Variants in PCID2 observed in about 807,000 individuals in gnomAD.
PCID2 encodes PCI domain-containing protein 2.
A neutral mutation model predicts 61.3 loss-of-function variants in PCID2; 41 were observed. The observed-to-expected ratio is 0.67, with a 90% CI of 0.52 to 0.87. The LOEUF is 0.87. PCID2 is among the 40% of genes least tolerant of loss of function. PCID2 has a pLI of 0.00. For synonymous variants in PCID2, 187 were observed against 177.8 expected, an observed-to-expected ratio of 1.05 and a Z score of -0.41; for missense variants, 392 against 493.4, an observed-to-expected ratio of 0.79 and a Z score of 1.95.
intron 10 of PCID2, 83 bp downstream of exon 10, chr13:113,181,043 ACTGT>A: frequency 2.4e-6 from 2 of 849,160 alleles, no homozygotes; most frequent in Non-Finnish European, 4.0e-6. Context: ...TCAACTACAG[ACTGT>A]CTGCTAGGTT....
At chr13:113,170,509 A>G in the PCID2 span, 1 of 1,587,150 alleles carries the variant, frequency 6.3e-7, no homozygotes, top group Middle Eastern at 1.7e-4. Flanking sequence ...ACTGTTACAC[A>G]GGAATATTAC....
chr13:113,201,239 T>C (rs2039404615), intron 1 of PCID2, among the ~76,000 whole-genome samples: 1 of 152,046 alleles, frequency 6.6e-6, no homozygotes, highest in South Asian at 2.1e-4. Flanking sequence ...TAGATCTGTA[T>C]GTAGTAAGAT....
intron 4 of PCID2, 190 bp downstream of exon 4, chr13:113,196,985 CACG>C (rs756922675): frequency 6.3e-6 from 9 of 1,437,914 alleles, no homozygotes; most frequent in Non-Finnish European, 8.8e-6. Flanking sequence ...CTAAGTACTG[CACG>C]AGTCTTCAGA....
intron 7 of PCID2, chr13:113,187,051 T>C (rs1027644916): frequency 6.6e-6 from 1 of 152,230 alleles, no homozygotes; most frequent in African/African-American, 2.4e-5. Flanking sequence ...CTATGACTTT[T>C]ATCATTCCCT....
Position 113,181,135 on chromosome 13 carries a change from G to C in PCID2, c.781C>G (p.Leu261Val). The C allele has an allele frequency of 1.3e-6, 2 of 1,591,680 alleles. No individual in the cohort carries two copies. The highest frequency in any genetic ancestry group is 8.6e-7 in the Non-Finnish European group (1 of 1,159,522). The change falls in exon 10 of 14, where the codon CTA becomes GTA. Residue 261 changes from leucine to valine, a missense_variant. By Grantham distance (32) the Leu-to-Val change is conservative. Coordinates refer to ENST00000337344, the MANE Select transcript of PCID2 (RefSeq NM_001127202.4). ...ILIYLLPVKM[L>V]LGHMPTVELL... is the part of the protein sequence containing the mutation. The stretch of plus-strand genomic sequence containing the variant: ...ATGGAGTAATAATCACTCACCAATA[G>C]CATTTTTACTGGAAGCAAATAGATC...
the PCID2 span, chr13:113,171,576 G>A: frequency 3.4e-5 from 55 of 1,613,910 alleles, no homozygotes; most frequent in Middle Eastern, 3.3e-4. The surrounding 1 kb of genome is among the most constrained non-coding windows in gnomAD (Gnocchi z 5.1). Flanking sequence ...AAGAACTGAC[G>A]ATTGTTCATG....
chr13:113,178,488 CTG>C lies in PCID2; in HGVS notation c.1111-203_1111-202del, dbSNP rs200246975. The C allele has an allele frequency of 2.9e-3, 1,450 of 501,962 alleles. 22 individuals are homozygous for C. The highest frequency in any genetic ancestry group is 0.025 in the African/African-American group (1,285 of 51,384). The allele number at this position is 501,962 out of a possible 1,614,324, so 31.1% of individuals were successfully genotyped here. ...GTTTCATATCCATGAATCTAACCAA[CTG>C]TGGACTGAAAATATTTGGGGAAAAA... is the stretch of plus-strand genomic sequence containing the variant. On this transcript the variant is annotated intron_variant, in intron 13 of 13. Coordinates refer to ENST00000337344, the MANE Select transcript of PCID2 (RefSeq NM_001127202.4).
chr13:113,185,685 T>A, intron 7 of PCID2, 125 bp from the exon 8 acceptor site: 1 of 588,936 alleles, frequency 1.7e-6, no homozygotes, highest in Non-Finnish European at 3.0e-6. Flanking sequence ...CATATTCATA[T>A]CAACTTATTC....
downstream of PCID2, among the ~76,000 whole-genome samples, chr13:113,176,405 G>A (rs1029943828): frequency 2.6e-4 from 1 of 3,854 alleles, no homozygotes; most frequent in South Asian, 0.25. Flanking sequence ...GGTCTTCAGG[G>A]GGTAACTAAG....
intron 1 of PCID2, chr13:113,207,878 C>G (rs1200807041): frequency 4.0e-6 from 3 of 747,624 alleles, no homozygotes; most frequent in African/African-American, 1.7e-5. Context: ...GGTAATGTTT[C>G]CTTCAAATAT....
Position 113,178,977 on chromosome 13 carries a change from A to G in PCID2, c.1099T>C (p.Leu367=). The change falls in exon 13 of 14, where the codon TTG becomes CTG. Residue 367 remains leucine, a synonymous_variant. Transcript: ENST00000337344. ...CAGGACTCACACACCATGTATATCA[A>G]GTTAGCCAGAATACACTGAACTTCG... ...IDEVQCILAN[L]IYMGHVKGYI... 6.2e-7 allele frequency: 1 copy of G among 1,613,336 alleles called. No homozygotes were observed. The highest frequency in any genetic ancestry group is 8.5e-7 in the Non-Finnish European group (1 of 1,179,752).
chr13:113,176,209 A>G (rs990093859), downstream of PCID2, among the ~76,000 whole-genome samples: 3 of 152,264 alleles, frequency 2.0e-5, no homozygotes, highest in African/African-American at 7.2e-5. Flanking sequence ...CTCCTTGAAC[A>G]AGCAGCTTTC....
At chr13:113,171,985 C>A in the PCID2 span, 4 of 1,613,276 alleles carry the variant, frequency 2.5e-6, 1 homozygote, top group East Asian at 2.2e-5. The surrounding 1 kb of genome is among the most constrained non-coding windows in gnomAD (Gnocchi z 5.1). Flanking sequence ...CCAGAGAACA[C>A]AGAGGCTCCT....
chr13:113,175,949 G>A (rs1353329323), downstream of PCID2, among the ~76,000 whole-genome samples: 2 of 152,222 alleles, frequency 1.3e-5, no homozygotes, highest in African/African-American at 2.4e-5. Context: ...GTGAGAGCCC[G>A]GGCCAATACA....
intron 1 of PCID2, among the ~76,000 whole-genome samples, chr13:113,202,269 A>C (rs1201885457): frequency 6.6e-6 from 1 of 152,224 alleles, no homozygotes; most frequent in Non-Finnish European, 1.5e-5. Context: ...CCCATTGTTC[A>C]ACTCAGGGTA....
rs370181479 is a variant in PCID2, at chr13:113,196,243, T to C, written c.267-21A>G. ...ATGATGTACTGTATTAAGGAAGATA[T>C]GGCATACAAAGTTCAAATAATGCTA... is the stretch of plus-strand genomic sequence containing the variant. On this transcript the variant is annotated intron_variant, in intron 4 of 13. Transcript: ENST00000337344. 2.5e-5 allele frequency: 39 copies of C among 1,564,896 alleles called. No individual in the cohort carries two copies. The African/African-American group carries it at 3.6e-4, about 15-fold the overall frequency.
At chr13:113,208,250 G>A (rs953391340) in intron 1 of PCID2, 29 of 1,442,648 alleles carry the variant, frequency 2.0e-5, no homozygotes, top group Admixed American at 2.6e-5. Flanking sequence ...CGCCCACAGC[G>A]GGCCCTCGGC....
At chr13:113,196,148 T>C (rs770995328) in intron 5 of PCID2, 33 bp downstream of exon 5, 1 of 1,563,306 alleles carries the variant, frequency 6.4e-7, no homozygotes, top group Non-Finnish European at 8.8e-7. Flanking sequence ...AAAATTGCCA[T>C]TTGCTAATTC....
intron 1 of PCID2, among the ~76,000 whole-genome samples, chr13:113,203,484 T>C (rs2039582191): frequency 1.3e-5 from 2 of 152,264 alleles, no homozygotes; most frequent in African/African-American, 2.4e-5. Flanking sequence ...CTCAGCTGTT[T>C]AGGGGAAAGG....
Sources: gnomAD v4.1 joint callset for allele counts (sites outside exome capture counted in the v4.1 genomes callset) on GRCh38, gnomAD v4.1.1 for gene constraint, Gnocchi (gnomAD v3.1) non-coding constraint, MANE v1.5 for transcripts, NCBI Gene and HGNC (gene_info 2026-07-23, HGNC 2026-07-21) for gene names.